The following IGF1 variants were observed in gnomAD, a reference collection of about 807,000 sequenced individuals.
The protein encoded by IGF1 is insulin-like growth factor 1.
Under a neutral mutation model 13.8 loss-of-function variants are expected in IGF1, and 4 were observed. The observed-to-expected ratio is 0.29, with a 90% CI of 0.14 to 0.66. The LOEUF is 0.66. Among genes scored for constraint, IGF1 ranks in the 30% least tolerant of loss-of-function variants. The pLI is 0.78. For missense variants in IGF1, 124 were observed against 188.5 expected (o/e 0.66, Z 2.00); for synonymous variants, 76 against 72.6 (o/e 1.05, Z -0.23).
At chr12:102,419,944 T>C (rs1387498446) in intron 2 of IGF1, among the ~76,000 whole-genome samples, 3 of 152,226 alleles carry the variant, frequency 2.0e-5, no homozygotes, top group African/African-American at 7.2e-5. Flanking sequence ...CCCCAAGTTT[T>C]GCAACCTGTA....
At chr12:102,479,860 A>G (rs1262121019) in intron 1 of IGF1, among the ~76,000 whole-genome samples, 1 of 152,182 alleles carries the variant, frequency 6.6e-6, no homozygotes, top group African/African-American at 2.4e-5. Flanking sequence ...CATATATAGC[A>G]TGCCTTGTAA....
In IGF1 at chr12:102,475,691, G is replaced by A. The variant is rs758450416; in HGVS notation, c.172C>T (p.Leu58=). 1 of 1,614,222 alleles carries A rather than the reference G, an allele frequency of 6.2e-7. No homozygotes were observed. Residue 58 remains leucine (L), a synonymous_variant, in exon 2 of 4, where the codon CTG becomes TTG. Transcript: ENST00000337514. ...CACACGAACTGAAGAGCATCCACCA[G>A]CTCAGCCCCGCAGAGCGTCTCCGGT... ...AGPETLCGAE[L]VDALQFVCGD...
At chr12:102,463,189 A>C (rs1431524555) in intron 2 of IGF1, 1 of 152,228 alleles carries the variant, frequency 6.6e-6, no homozygotes, top group African/African-American at 2.4e-5. Context: ...TACCCCAAAA[A>C]GAAATTAGAT....
intron 2 of IGF1, among the ~76,000 whole-genome samples, chr12:102,448,873 G>C (rs563550806): frequency 1.3e-5 from 2 of 152,072 alleles, no homozygotes; most frequent in Non-Finnish European, 2.9e-5. Flanking sequence ...AGTTAGAATG[G>C]TGATCATTAA....
chr12:102,480,681 A>AG (rs1881345794), upstream of IGF1: 1 of 1,150,868 alleles, frequency 8.7e-7, no homozygotes, highest in African/African-American at 1.6e-5. Flanking sequence ...TTATTGAGTA[A>AG]GGACTTTTTT....
intron 2 of IGF1, among the ~76,000 whole-genome samples, chr12:102,473,975 AC>A (rs1880850884): frequency 6.6e-6 from 1 of 152,218 alleles, no homozygotes; most frequent in Admixed American, 6.5e-5. Context: ...CTGGCACGTA[AC>A]AGAGGACACT....
At chr12:102,420,680 A>G (rs1875630984) in intron 2 of IGF1, among the ~76,000 whole-genome samples, 1 of 152,190 alleles carries the variant, frequency 6.6e-6, no homozygotes, top group African/African-American at 2.4e-5. Context: ...AGTAACTGCC[A>G]AACTGAAACA....
intron 2 of IGF1, among the ~76,000 whole-genome samples, chr12:102,446,932 TC>T (rs1344250457): frequency 6.6e-6 from 1 of 152,228 alleles, no homozygotes; most frequent in Non-Finnish European, 1.5e-5. Context: ...GTCTTTTTTT[TC>T]TTACTGGTTT....
chr12:102,453,298 A>G (rs2033178), intron 2 of IGF1, among the ~76,000 whole-genome samples: 143,596 of 152,270 alleles, frequency 0.94, 67,751 homozygotes, highest in East Asian at 1. Context: ...TTCCCTATAG[A>G]GCTTGGCATT....
In IGF1 at chr12:102,398,717, T is replaced by G. The variant is rs1465413212; in HGVS notation, c.*3790A>C. 6.6e-6 allele frequency: 1 copy of G among 152,182 alleles called. No homozygotes were observed. Among genetic ancestry groups the G allele is most frequent in the Non-Finnish European group, 1.5e-5 (1 of 68,026 alleles). 9.4% of individuals were successfully genotyped at this position (152,182 alleles called of 1,614,324 possible). A position where few individuals can be genotyped will look rare whatever the true frequency, so the allele number is the denominator to read the frequency against. On this transcript the variant is annotated 3_prime_UTR_variant, in exon 4 of 4. Coordinates refer to ENST00000337514, the MANE Select transcript of IGF1 (RefSeq NM_000618.5). The stretch of plus-strand genomic sequence containing the variant: ...TGGTGGCTAGATAGACCTAATGCTA[T>G]TTTATTAAGCCATCTATCTATAGAA...
Position 102,419,587 on chromosome 12 carries a change from A to G in IGF1, c.324T>C (p.Tyr108=), listed in dbSNP as rs746154835. ...RSCDLRRLEM[Y]CAPLKPAKSA... ...ACTTGGCAGGCTTGAGGGGTGCGCAATACATCTCCAGCCTCCTTAGATCAC... is the reference window on the plus strand; with the variant it reads ...ACTTGGCAGGCTTGAGGGGTGCGCAGTACATCTCCAGCCTCCTTAGATCAC... Residue 108 remains tyrosine (Y), a synonymous_variant, in exon 3 of 4, where the codon TAT becomes TAC. Coordinates refer to ENST00000337514, the MANE Select transcript of IGF1 (RefSeq NM_000618.5). 4.3e-6 allele frequency: 7 copies of G among 1,613,814 alleles called. No homozygotes were observed. The highest frequency in any genetic ancestry group is 3.3e-5 in the South Asian group (3 of 91,082).
chr12:102,433,749 C>A (rs1451020201), intron 2 of IGF1, among the ~76,000 whole-genome samples: 3 of 152,084 alleles, frequency 2.0e-5, no homozygotes, highest in Non-Finnish European at 2.9e-5. Context: ...ACAAACGGTA[C>A]AAAGAGAGAA....
At chr12:102,416,056 T>C (rs1439685328) in intron 3 of IGF1, among the ~76,000 whole-genome samples, 3 of 152,204 alleles carry the variant, frequency 2.0e-5, no homozygotes, top group Non-Finnish European at 4.4e-5. Context: ...TAAGTAATCC[T>C]GGGTTTTCAG....
Position 102,398,332 on chromosome 12 carries a change from G to A in IGF1, c.*4175C>T, listed in dbSNP as rs556317538. ...AGTAAATGCCAAAGAATACCCAAGGGGGATTTGGCAGAAGCTATTTTTTGC... is the reference window on the plus strand; with the variant it reads ...AGTAAATGCCAAAGAATACCCAAGGAGGATTTGGCAGAAGCTATTTTTTGC... On this transcript the variant is annotated 3_prime_UTR_variant, in exon 4 of 4. Transcript: ENST00000337514. The A allele has an allele frequency of 2.6e-5, 4 of 152,598 alleles. No individual in the cohort carries two copies. In the East Asian group the frequency reaches 7.7e-4, roughly 29 times the overall value. The allele number at this position is 152,598 out of a possible 1,614,324, so 9.5% of individuals were successfully genotyped here.
At chr12:102,433,849 G>A (rs1565979492) in intron 2 of IGF1, among the ~76,000 whole-genome samples, 1 of 152,180 alleles carries the variant, frequency 6.6e-6, no homozygotes, top group Admixed American at 6.5e-5. Flanking sequence ...AAAAGAGGAT[G>A]ATCATCATTT....
At chr12:102,434,328 T>C (rs1877023699) in intron 2 of IGF1, among the ~76,000 whole-genome samples, 1 of 129,016 alleles carries the variant, frequency 7.8e-6, no homozygotes, top group East Asian at 2.4e-4. Flanking sequence ...GTCCCCAGAG[T>C]GTGATGTTCC....
In IGF1 at chr12:102,417,658, C is replaced by T. The variant is rs569380648; in HGVS notation, c.402+1851G>A. On this transcript the variant is annotated intron_variant, in intron 3 of 3. Transcript: ENST00000337514. ...TTTCCGTTTTCTCCATGTTTCTTAGCGAGATTCTCTAAAAGGTTACTTCTA... is the reference window on the plus strand; with the variant it reads ...TTTCCGTTTTCTCCATGTTTCTTAGTGAGATTCTCTAAAAGGTTACTTCTA... The T allele has an allele frequency of 4.3e-5, 60 of 1,399,050 alleles. 1 individual carries two copies. The highest frequency in any genetic ancestry group is 2.9e-4 in the South Asian group (16 of 54,692). The allele number at this position is 1,399,050 out of a possible 1,614,324, so 86.7% of individuals were successfully genotyped here. A position where few individuals can be genotyped will look rare whatever the true frequency, so the allele number is the denominator to read the frequency against.
chr12:102,403,251 AAT>A (rs1013229379), intron 3 of IGF1, among the ~76,000 whole-genome samples: 68 of 152,272 alleles, frequency 4.5e-4, no homozygotes, highest in African/African-American at 1.6e-3. Flanking sequence ...TTAAATAATT[AAT>A]ATATATAAAA....
At chr12:102,438,612 G>A (rs971882951) in intron 2 of IGF1, among the ~76,000 whole-genome samples, 6 of 152,142 alleles carry the variant, frequency 3.9e-5, no homozygotes, top group Middle Eastern at 3.4e-3. Flanking sequence ...GAACAAAGGC[G>A]CCTGTATACT....
Sources: allele counts gnomAD v4.1 joint callset (sites outside exome capture counted in the v4.1 genomes callset), GRCh38; gene constraint gnomAD v4.1.1; transcripts MANE v1.5; gene names NCBI Gene and HGNC (gene_info 2026-07-23, HGNC 2026-07-21).